Variants in ARHGAP26 observed in about 807,000 individuals in gnomAD.
ARHGAP26 encodes Rho GTPase activating protein 26.
In ARHGAP26, 38 loss-of-function variants were observed where a neutral mutation model predicts 104.8. The observed-to-expected ratio is 0.36, with a 90% confidence interval of 0.28 to 0.48. The LOEUF is 0.48. Ranked by LOEUF, ARHGAP26 falls within the 20% of genes least tolerant of loss-of-function variation. The pLI, the probability that ARHGAP26 is intolerant of heterozygous loss-of-function variation, is 0.99. For synonymous variants in ARHGAP26, 341 were observed against 340.0 expected, an observed-to-expected ratio of 1.00 and a Z score of -0.03; for missense variants, 704 against 947.9, an observed-to-expected ratio of 0.74 and a Z score of 3.38.
chr5:143,203,907 G>A (rs777830876), intron 20 of ARHGAP26, among the ~76,000 whole-genome samples: 4 of 151,840 alleles, frequency 2.6e-5, no homozygotes, highest in Non-Finnish European at 4.4e-5. Context: ...ATCACACACC[G>A]GGGCCTGTCA....
intron 1 of ARHGAP26, among the ~76,000 whole-genome samples, chr5:142,784,451 T>A (rs1758137941): frequency 6.6e-6 from 1 of 152,190 alleles, no homozygotes; most frequent in African/African-American, 2.4e-5. Context: ...ATGAAGATGA[T>A]CACCAGTTGA....
intron 20 of ARHGAP26, among the ~76,000 whole-genome samples, chr5:143,153,740 C>T (rs1354494235): frequency 6.6e-6 from 1 of 152,198 alleles, no homozygotes; most frequent in Non-Finnish European, 1.5e-5. Context: ...ACTAACTGCT[C>T]AGTAGCCTCA....
chr5:143,055,834 T>G (rs1233434014), intron 15 of ARHGAP26, among the ~76,000 whole-genome samples, 194 bp from the exon 16 acceptor site: 1 of 152,228 alleles, frequency 6.6e-6, no homozygotes, highest in Admixed American at 6.5e-5. Context: ...TCTATTCATT[T>G]AAGAAAGAGA....
intron 17 of ARHGAP26, among the ~76,000 whole-genome samples, chr5:143,070,769 G>C (rs990075329): frequency 6.6e-6 from 1 of 152,108 alleles, no homozygotes; most frequent in African/African-American, 2.4e-5. Flanking sequence ...AATTAGCCGG[G>C]CATGGTGGTG....
chr5:142,781,196 GCAGTGTGGT>G (rs773299634), intron 1 of ARHGAP26, among the ~76,000 whole-genome samples: 111 of 152,290 alleles, frequency 7.3e-4, no homozygotes, highest in Middle Eastern at 3.4e-3. Flanking sequence ...GCCCAAGGGG[GCAGTGTGGT>G]CACTAATGAT....
chr5:143,042,193 T>C (rs1783570254), intron 14 of ARHGAP26, among the ~76,000 whole-genome samples: 1 of 152,156 alleles, frequency 6.6e-6, no homozygotes, highest in African/African-American at 2.4e-5. Flanking sequence ...CACACCCTAC[T>C]CTGTCTTTAA....
rs1223791341 is a variant in ARHGAP26, at chr5:142,874,967, T to G, written c.251-143T>G. ...CCTTAATGGTTAATGATTAAAAAGA[T>G]GAAGGGAGCCTTGGGAAGCAATTGA... On this transcript the variant is annotated intron_variant, in intron 2 of 22. Transcript: ENST00000645722. The G allele has an allele frequency of 6.0e-6, 4 of 661,252 alleles. No individual in the cohort carries two copies. In the East Asian group the frequency reaches 1.1e-4, roughly 18 times the overall value. The allele number at this position is 661,252 out of a possible 1,614,324, so 41.0% of individuals were successfully genotyped here. A position where few individuals can be genotyped will look rare whatever the true frequency, so the allele number is the denominator to read the frequency against.
At chr5:142,790,104 G>A (rs1488239223) in intron 1 of ARHGAP26, among the ~76,000 whole-genome samples, 1 of 152,186 alleles carries the variant, frequency 6.6e-6, no homozygotes, top group Non-Finnish European at 1.5e-5. Context: ...TTAAATTCCA[G>A]CCTTATGGAG....
intron 20 of ARHGAP26, among the ~76,000 whole-genome samples, chr5:143,188,147 A>G (rs764335489): frequency 2.6e-5 from 4 of 152,250 alleles, no homozygotes; most frequent in Non-Finnish European, 5.9e-5. Flanking sequence ...AATAAAATCC[A>G]TGCAAACAAA....
Position 143,196,002 on chromosome 5 carries a change from T to C in ARHGAP26, c.1989-11196T>C, listed in dbSNP as rs531617484. On this transcript the variant is annotated intron_variant, in intron 20 of 22. Coordinates refer to ENST00000645722, the MANE Select transcript of ARHGAP26 (RefSeq NM_001135608.3). ...AATAAAGCTATTTAAAAGTTACCTT[T>C]AATCTCATCACCCAGGGAATGCTAC... 8.7e-4 allele frequency among the ~76,000 whole-genome samples: 132 copies of C among 152,332 alleles called. 1 individual carries two copies. Among genetic ancestry groups the C allele is most frequent in the Non-Finnish European group, 1.4e-3 (95 of 68,030 alleles).
intron 1 of ARHGAP26, chr5:142,771,495 T>A: frequency 9.6e-7 from 1 of 1,046,472 alleles, no homozygotes; most frequent in Non-Finnish European, 1.2e-6. Context: ...CAGTAATCTC[T>A]AAATCTGGAA....
At chr5:143,135,062 G>GGTA (rs1304039312) in intron 19 of ARHGAP26, among the ~76,000 whole-genome samples, 1 of 152,218 alleles carries the variant, frequency 6.6e-6, no homozygotes, top group Non-Finnish European at 1.5e-5. Flanking sequence ...GAGTAAGGAA[G>GGTA]GTAGACAAGT....
At chr5:142,926,898 C>T (rs929090013) in intron 10 of ARHGAP26, among the ~76,000 whole-genome samples, 1 of 152,174 alleles carries the variant, frequency 6.6e-6, no homozygotes, top group African/African-American at 2.4e-5. Context: ...GAGCATTCAT[C>T]GTGTGCCTGA....
chr5:142,775,563 A>G (rs1417987707), intron 1 of ARHGAP26, among the ~76,000 whole-genome samples: 1 of 152,176 alleles, frequency 6.6e-6, no homozygotes, highest in Non-Finnish European at 1.5e-5. Context: ...CATGTTGTAT[A>G]ATTACTATCT....
chr5:142,850,757 T>C (rs1327993021), intron 1 of ARHGAP26, among the ~76,000 whole-genome samples: 1 of 152,234 alleles, frequency 6.6e-6, no homozygotes, highest in Non-Finnish European at 1.5e-5. Context: ...TCAGTCTGCA[T>C]ACATTTTAGT....
At chr5:142,861,831 G>A (rs971659327) in intron 1 of ARHGAP26, among the ~76,000 whole-genome samples, 2 of 152,124 alleles carry the variant, frequency 1.3e-5, no homozygotes, top group Non-Finnish European at 2.9e-5. Context: ...TGGGTGAGAT[G>A]GGATTTTGAA....
chr5:142,910,277 G>A (rs941116756), intron 9 of ARHGAP26, among the ~76,000 whole-genome samples: 4 of 152,238 alleles, frequency 2.6e-5, no homozygotes, highest in Non-Finnish European at 5.9e-5. Flanking sequence ...GTGCTCAAAC[G>A]CTCTTTCCAC....
rs920172190 is a variant in ARHGAP26 at position 143,224,664 on chromosome 5, G to A, written c.*2218G>A. Reference sequence around the variant, plus strand: ...GGACAAGCTAGTTTTCAAATTTTGTGTGCGTCTGTAAGTTCTTAAAGAACC... The same window carrying A: ...GGACAAGCTAGTTTTCAAATTTTGTATGCGTCTGTAAGTTCTTAAAGAACC... On this transcript the variant is annotated 3_prime_UTR_variant, in exon 23 of 23. Transcript: ENST00000645722. 4 of 230,068 alleles carry A rather than the reference G, an allele frequency of 1.7e-5. No individual in the cohort carries two copies. Among genetic ancestry groups the A allele is most frequent in the African/African-American group, 4.4e-5 (2 of 45,150 alleles). The allele number at this position is 230,068 out of a possible 1,614,324, so 14.3% of individuals were successfully genotyped here.
chr5:142,900,122 A>G (rs1444061346), intron 6 of ARHGAP26, among the ~76,000 whole-genome samples: 1 of 152,190 alleles, frequency 6.6e-6, no homozygotes, highest in Non-Finnish European at 1.5e-5. Context: ...AGAAGAGGCA[A>G]AACAGTTTTC....
Sources: allele counts gnomAD v4.1 joint callset (sites outside exome capture counted in the v4.1 genomes callset), GRCh38; gene constraint gnomAD v4.1.1; transcripts MANE v1.5; gene names NCBI Gene and HGNC (gene_info 2026-07-23, HGNC 2026-07-21).